CYB5R4: variants seen among roughly 807,000 people sequenced by gnomAD.
The protein encoded by CYB5R4 is cytochrome b5 reductase 4.
CYB5R4 carries 55 observed loss-of-function variants against 70.2 expected under a neutral mutation model. The ratio of observed to expected loss-of-function variants is 0.78; its 90% CI spans 0.63 to 0.98. The LOEUF is 0.98. CYB5R4 is among the 50% of genes least tolerant of loss of function. CYB5R4 has a pLI of 0.00. For missense variants in CYB5R4, 562 were observed against 612.6 expected (o/e 0.92, Z 0.87); for synonymous variants, 197 against 199.5 (o/e 0.99, Z 0.11).
In CYB5R4 at chr6:83,918,050, GT is replaced by G; in HGVS notation, c.492del (p.Pro165LeufsTer14). ...GTGACAGATACACTTGCCAAAGAAG[GT>G]CCTAGTTATCCAAGGTATGCATTCT... is the stretch of plus-strand genomic sequence containing the variant. ...SQVTDTLAKE[G>X]PSYPSYDWFQ... On this transcript the variant is annotated frameshift_variant, in exon 6 of 16. Coordinates refer to ENST00000369681, the MANE Select transcript of CYB5R4 (RefSeq NM_016230.4). LOFTEE classifies it high-confidence loss of function. 6.2e-7 allele frequency: 1 copy of G among 1,610,646 alleles called. No homozygotes were observed. Among genetic ancestry groups the G allele is most frequent in the Non-Finnish European group, 8.5e-7 (1 of 1,177,434 alleles).
chr6:83,922,569 T>C, intron 9 of CYB5R4, 99 bp downstream of exon 9: 2 of 819,872 alleles, frequency 2.4e-6, no homozygotes, highest in Non-Finnish European at 4.1e-6. Flanking sequence ...ATTTGTTTTA[T>C]TTTTCATGTC....
intron 2 of CYB5R4, among the ~76,000 whole-genome samples, chr6:83,875,193 A>G (rs1011407593): frequency 1.3e-5 from 2 of 152,222 alleles, no homozygotes; most frequent in African/African-American, 4.8e-5. Flanking sequence ...GGCAGAGGGC[A>G]TAGCTCATGG....
chr6:83,921,151 GA>G lies in CYB5R4; in HGVS notation c.635del (p.Asp212ValfsTer10), dbSNP rs1417824810. 1.3e-6 allele frequency: 2 copies of G among 1,518,872 alleles called. No homozygotes were observed. Among genetic ancestry groups the G allele is most frequent in the African/African-American group, 2.8e-5 (2 of 71,772 alleles). The allele number at this position is 1,518,872 out of a possible 1,614,324, so 94.1% of individuals were successfully genotyped here. On this transcript the variant is annotated frameshift_variant, in exon 8 of 16. Transcript: ENST00000369681. LOFTEE classifies it high-confidence loss of function. ...DSFRAETIIK[D>X]CLYLIHIGLS... ...CTTTAGAGCAGAAACAATTATTAAG[GA>G]TTGTTTATATCTTATACATATTGGT...
chr6:83,862,997 TC>T (rs2099456188), intron 1 of CYB5R4, among the ~76,000 whole-genome samples: 1 of 152,328 alleles, frequency 6.6e-6, no homozygotes, highest in East Asian at 1.9e-4. Flanking sequence ...TATGTAAACA[TC>T]CTTGAATGTG....
chr6:83,910,060 C>T lies in CYB5R4; in HGVS notation c.412+970C>T, dbSNP rs768394208. The T allele has an allele frequency of 6.8e-6, 11 of 1,612,336 alleles. No individual in the cohort carries two copies. In the African/African-American group the frequency reaches 1.3e-4, roughly 20 times the overall value. On this transcript the variant is annotated intron_variant, in intron 4 of 15. Transcript: ENST00000369681. ...GCATGCATTGGACAGCTCTTTGGTT[C>T]ATCCTAGGCAAACTCTGGCACCTGT...
At chr6:83,901,705 G>GTGT (rs577573250) in intron 3 of CYB5R4, among the ~76,000 whole-genome samples, 9 of 143,962 alleles carry the variant, frequency 6.3e-5, no homozygotes, top group African/African-American at 1.7e-4. Flanking sequence ...ATTATTTCTT[G>GTGT]TTTTTTTTTT....
chr6:83,898,160 C>T (rs2099462227), intron 3 of CYB5R4, among the ~76,000 whole-genome samples: 1 of 152,126 alleles, frequency 6.6e-6, no homozygotes, highest in South Asian at 2.1e-4. Flanking sequence ...AGGAAGGGGT[C>T]CAGTTTCAGC....
chr6:83,915,980 C>G (rs1476236874), intron 5 of CYB5R4, among the ~76,000 whole-genome samples: 2 of 152,068 alleles, frequency 1.3e-5, no homozygotes, highest in Admixed American at 6.6e-5. Flanking sequence ...TTTTTTTTCA[C>G]TACACATTCA....
intron 15 of CYB5R4, among the ~76,000 whole-genome samples, chr6:83,958,301 C>T (rs1185606096): frequency 3.3e-5 from 5 of 152,118 alleles, no homozygotes; most frequent in African/African-American, 4.8e-5. Context: ...AACAAATGCA[C>T]GTGCTGATAA....
chr6:83,866,706 C>T (rs2129127912), intron 2 of CYB5R4, among the ~76,000 whole-genome samples: 1 of 152,110 alleles, frequency 6.6e-6, no homozygotes, highest in African/African-American at 2.4e-5. Context: ...TCCTTGACCT[C>T]CTGAGCTCAA....
Position 83,951,732 on chromosome 6 carries a change from T to G in CYB5R4, c.1347-3566T>G, listed in dbSNP as rs541831349. The stretch of plus-strand genomic sequence containing the variant: ...AAGTCTTTGCTATTGTGAATAGTGC[T>G]GCAATAAACATACATGTGCATGTGT... On this transcript the variant is annotated intron_variant, in intron 14 of 15. Coordinates refer to ENST00000369681, the MANE Select transcript of CYB5R4 (RefSeq NM_016230.4). Among the ~76,000 whole-genome samples the G allele has an allele frequency of 1.1e-4, 16 of 152,304 alleles. No individual in the cohort carries two copies. In the East Asian group the frequency reaches 3.1e-3, roughly 29 times the overall value.
chr6:83,900,259 C>T (rs193186926), intron 3 of CYB5R4, among the ~76,000 whole-genome samples: 1 of 152,260 alleles, frequency 6.6e-6, no homozygotes, highest in African/African-American at 2.4e-5. Flanking sequence ...TGTTCAGTTT[C>T]CATGTAGTTG....
At chr6:83,914,514 A>G in intron 5 of CYB5R4, 66 bp downstream of exon 5, 3 of 1,359,268 alleles carry the variant, frequency 2.2e-6, no homozygotes, top group Non-Finnish European at 2.0e-6. Context: ...TGATACACAG[A>G]ATTGTCTGGG....
At chr6:83,892,345 T>A (rs1169143804) in intron 2 of CYB5R4, among the ~76,000 whole-genome samples, 2 of 152,192 alleles carry the variant, frequency 1.3e-5, no homozygotes, top group African/African-American at 2.4e-5. Context: ...AAGATTATTA[T>A]ATAGGATGAA....
In CYB5R4 at chr6:83,936,391, A is replaced by AT. The variant is rs1461304719; in HGVS notation, c.1108+21dup. On this transcript the variant is annotated intron_variant, in intron 12 of 15. Transcript: ENST00000369681. ...TCTTCAGATTGGTTAGTATTTTTAC[A>AT]TTTTTTAAACCTCATTTGTGCTCTA... is the stretch of plus-strand genomic sequence containing the variant. 1 of 1,609,760 alleles carries AT rather than the reference A, an allele frequency of 6.2e-7. No homozygotes were observed. The highest frequency in any genetic ancestry group is 1.7e-4 in the Middle Eastern group (1 of 6,044).
At chr6:83,901,380 G>T (rs927054663) in intron 3 of CYB5R4, among the ~76,000 whole-genome samples, 1 of 152,128 alleles carries the variant, frequency 6.6e-6, no homozygotes, top group African/African-American at 2.4e-5. Context: ...TTTCTCTCTG[G>T]CTGCCCTTAA....
chr6:83,921,068 G>T lies in CYB5R4; in HGVS notation c.565-14G>T. ...TTTACTTTCTAATCTTTCTATTTTT[G>T]CTTTCTCTTTAAGGATATCAATTTA... is the stretch of plus-strand genomic sequence containing the variant. On this transcript the variant is annotated splice_polypyrimidine_tract_variant and intron_variant, in intron 7 of 15. Coordinates refer to ENST00000369681, the MANE Select transcript of CYB5R4 (RefSeq NM_016230.4). The T allele has an allele frequency of 6.9e-7, 1 of 1,455,340 alleles. No individual in the cohort carries two copies. Among genetic ancestry groups the T allele is most frequent in the Non-Finnish European group, 9.2e-7 (1 of 1,085,688 alleles). 90.2% of individuals were successfully genotyped at this position (1,455,340 alleles called of 1,614,324 possible).
At chr6:83,909,483 T>C (rs1023921194) in intron 4 of CYB5R4, among the ~76,000 whole-genome samples, 8 of 152,210 alleles carry the variant, frequency 5.3e-5, no homozygotes, top group East Asian at 1.9e-4. Flanking sequence ...GCGCCTTCAC[T>C]ATAGATAACC....
chr6:83,871,146 T>A (rs2099457564), intron 2 of CYB5R4, among the ~76,000 whole-genome samples: 1 of 151,796 alleles, frequency 6.6e-6, no homozygotes. Context: ...CCGGCTAATT[T>A]TTTTGTATTT....
Sources: allele counts gnomAD v4.1 joint callset (sites outside exome capture counted in the v4.1 genomes callset), GRCh38; gene constraint gnomAD v4.1.1; transcripts MANE v1.5; gene names NCBI Gene and HGNC (gene_info 2026-07-23, HGNC 2026-07-21).